Variants in WDR27 observed in about 807,000 individuals in gnomAD.
WDR27 encodes WD repeat domain 27.
WDR27 carries 100 observed loss-of-function variants against 114.4 expected under a neutral mutation model. The ratio of observed to expected loss-of-function variants is 0.87; its 90% CI spans 0.74 to 1.03. The LOEUF (loss-of-function observed/expected upper bound fraction) is 1.03, where lower values mean the gene tolerates loss of function less well. Among genes scored for constraint, WDR27 ranks in the 50% least tolerant of loss-of-function variants. WDR27 has a pLI of 0.00. For synonymous variants in WDR27, 449 were observed against 423.1 expected (o/e 1.06, Z -0.75); for missense variants, 1,129 against 1,092.9 (o/e 1.03, Z -0.47).
chr6:169,532,996 G>C (rs1242983356), intron 25 of WDR27, among the ~76,000 whole-genome samples: 4 of 152,118 alleles, frequency 2.6e-5, no homozygotes, highest in East Asian at 1.9e-4. Context: ...GTGTGTGTCA[G>C]ACTCCCGAGA....
chr6:169,426,676 G>C, the WDR27 span: 1 of 152,334 alleles, frequency 6.6e-6, no homozygotes, highest in Non-Finnish European at 1.5e-5. Flanking sequence ...TCCAGGATCT[G>C]GGTGGGCCCC....
intron 25 of WDR27, among the ~76,000 whole-genome samples, chr6:169,545,833 T>C (rs1315039468): frequency 3.9e-5 from 6 of 152,082 alleles, no homozygotes; most frequent in Non-Finnish European, 7.3e-5. Context: ...CACACATACA[T>C]ATAAATTTTA....
chr6:169,566,631 C>A (rs1443059334), intron 25 of WDR27, among the ~76,000 whole-genome samples: 5 of 151,474 alleles, frequency 3.3e-5, no homozygotes. Context: ...GCCAAGGAAC[C>A]TGAATTTCGG....
At chr6:169,604,768 C>T (rs758785285) in intron 22 of WDR27, among the ~76,000 whole-genome samples, 10 of 151,982 alleles carry the variant, frequency 6.6e-5, no homozygotes, top group Non-Finnish European at 1.5e-4. Flanking sequence ...GGGTTTTATA[C>T]CAGGGATGCC....
chr6:169,537,082 A>T (rs1796276876), intron 25 of WDR27, among the ~76,000 whole-genome samples: 1 of 152,152 alleles, frequency 6.6e-6, no homozygotes, highest in African/African-American at 2.4e-5. Context: ...GAGGCCTATT[A>T]TCCTCATATA....
intron 2 of WDR27, among the ~76,000 whole-genome samples, chr6:169,688,362 G>A (rs1283044249): frequency 1.3e-5 from 2 of 152,088 alleles, no homozygotes; most frequent in Admixed American, 1.3e-4. Context: ...TGCCTTTTGG[G>A]GAGGAGAGAA....
the WDR27 span, among the ~76,000 whole-genome samples, chr6:169,444,798 G>A: frequency 6.6e-6 from 1 of 151,994 alleles, no homozygotes; most frequent in African/African-American, 2.4e-5. Context: ...AGGGGCCTCT[G>A]TCATTCCCAG....
chr6:169,622,544 G>GA (rs1166593132), intron 21 of WDR27, among the ~76,000 whole-genome samples: 6 of 151,972 alleles, frequency 3.9e-5, no homozygotes, highest in Admixed American at 1.3e-4. Context: ...AATGTTTATA[G>GA]AAAAAAACAG....
intron 2 of WDR27, among the ~76,000 whole-genome samples, chr6:169,677,253 G>A (rs1160707046): frequency 3.3e-5 from 5 of 152,244 alleles, no homozygotes; most frequent in Non-Finnish European, 7.3e-5. Flanking sequence ...GGAAGTCTCA[G>A]ATGGAAATGA....
At chr6:169,566,663 C>CTCCA (rs3974281) in intron 25 of WDR27, among the ~76,000 whole-genome samples, 43,434 of 151,890 alleles carry the variant, frequency 0.29, 6,765 homozygotes, top group South Asian at 0.4. Context: ...GTTGAGGCAA[C>CTCCA]GTTAGAGACT....
chr6:169,659,648 T>A lies in WDR27; in HGVS notation c.1130-130A>T, dbSNP rs2128263254. 1 of 825,270 alleles carries A rather than the reference T, an allele frequency of 1.2e-6. No individual in the cohort carries two copies. The highest frequency in any genetic ancestry group is 2.7e-5 in the East Asian group (1 of 37,286). The allele number at this position is 825,270 out of a possible 1,614,324, so 51.1% of individuals were successfully genotyped here. On this transcript the variant is annotated intron_variant, in intron 10 of 25. Coordinates refer to ENST00000448612, the MANE Select transcript of WDR27 (RefSeq NM_182552.5). The surrounding 1 kb of genome is among the most constrained non-coding windows in gnomAD (Gnocchi z 4.3). ...ACACAGTCCAGGCCCCACCACACAC[T>A]TTGCAGGCTGTGCACCACATCCTCA...
At chr6:169,555,392 G>A (rs1197334176) in intron 25 of WDR27, among the ~76,000 whole-genome samples, 1 of 152,128 alleles carries the variant, frequency 6.6e-6, no homozygotes, top group Non-Finnish European at 1.5e-5. Flanking sequence ...CTGGGGACCA[G>A]TGCACCAGAG....
At chr6:169,566,768 G>A (rs1456094588) in intron 25 of WDR27, among the ~76,000 whole-genome samples, 4 of 152,166 alleles carry the variant, frequency 2.6e-5, no homozygotes, top group Admixed American at 2.0e-4. Flanking sequence ...ATTCCAGTGT[G>A]GGGGATTCGG....
chr6:169,439,320 A>G, the WDR27 span, among the ~76,000 whole-genome samples: 1 of 152,190 alleles, frequency 6.6e-6, no homozygotes, highest in African/African-American at 2.4e-5. Flanking sequence ...TGCCATACAC[A>G]ATAGAAATAA....
chr6:169,664,329 G>C (rs745995719), intron 7 of WDR27, 43 bp from the exon 8 acceptor site: 2 of 1,612,192 alleles, frequency 1.2e-6, no homozygotes, highest in African/African-American at 2.7e-5. Context: ...TGCAGCAAGG[G>C]TCCTGACGCA....
chr6:169,485,603 T>C (rs747925509), intron 25 of WDR27, among the ~76,000 whole-genome samples: 2 of 152,206 alleles, frequency 1.3e-5, no homozygotes, highest in East Asian at 1.9e-4. Flanking sequence ...AGTGTGGTGA[T>C]TGCTCAAAGA....
At position 169,659,004 on chromosome 6, in the gene WDR27, A is replaced by C. The variant is rs1825160928; in HGVS notation, c.1319+82T>G. The C allele has an allele frequency of 6.8e-7, 1 of 1,461,222 alleles. No homozygotes were observed. Among genetic ancestry groups the C allele is most frequent in the Non-Finnish European group, 9.0e-7 (1 of 1,109,224 alleles). 90.5% of individuals were successfully genotyped at this position (1,461,222 alleles called of 1,614,324 possible). A position where few individuals can be genotyped will look rare whatever the true frequency, so the allele number is the denominator to read the frequency against. On this transcript the variant is annotated intron_variant, in intron 12 of 25. Coordinates refer to ENST00000448612, the MANE Select transcript of WDR27 (RefSeq NM_182552.5). The surrounding 1 kb of genome is among the most constrained non-coding windows in gnomAD (Gnocchi z 4.3). Reference sequence around the variant, plus strand: ...GCCCGGCCAGAGCTCAGAGTTTTCTAATCTTTATTTCTGAACATAGAAATC... The same window carrying C: ...GCCCGGCCAGAGCTCAGAGTTTTCTCATCTTTATTTCTGAACATAGAAATC...
chr6:169,621,443 T>C (rs369990018), intron 21 of WDR27, among the ~76,000 whole-genome samples: 2 of 150,266 alleles, frequency 1.3e-5, no homozygotes, highest in South Asian at 2.1e-4. Context: ...CATATACATA[T>C]GCACACATGC....
At chr6:169,580,197 C>G (rs564403871) in intron 24 of WDR27, among the ~76,000 whole-genome samples, 1 of 152,350 alleles carries the variant, frequency 6.6e-6, no homozygotes, top group Admixed American at 6.5e-5. Flanking sequence ...TAGGAGCATA[C>G]TATCTTTCCT....
Sources: allele counts gnomAD v4.1 joint callset (sites outside exome capture counted in the v4.1 genomes callset), GRCh38; gene constraint gnomAD v4.1.1; non-coding constraint Gnocchi (gnomAD v3.1); transcripts MANE v1.5; gene names NCBI Gene and HGNC (gene_info 2026-07-23, HGNC 2026-07-21).